EVA1C: variants seen among roughly 807,000 people sequenced by gnomAD.
EVA1C encodes eva-1 homolog C, also known as protein eva-1 homolog C.
Under a neutral mutation model 45.4 loss-of-function variants are expected in EVA1C, and 25 were observed. The ratio of observed to expected loss-of-function variants is 0.55; its 90% CI spans 0.40 to 0.77. The LOEUF is 0.77. Among genes scored for constraint, EVA1C ranks in the 30% least tolerant of loss-of-function variants. The pLI, the probability that EVA1C is intolerant of heterozygous loss-of-function variation, is 0.00. For missense variants in EVA1C, 479 were observed against 554.8 expected, an observed-to-expected ratio of 0.86 and a Z score of 1.37; for synonymous variants, 190 against 221.2, an observed-to-expected ratio of 0.86 and a Z score of 1.25.
At chr21:32,461,922 G>C (rs2036012064) in intron 3 of EVA1C, among the ~76,000 whole-genome samples, 1 of 152,136 alleles carries the variant, frequency 6.6e-6, no homozygotes, top group Non-Finnish European at 1.5e-5. Flanking sequence ...GGGCAGTGTA[G>C]GGACACTTTC....
At chr21:32,419,736 AAAAC>A (rs920817144) in intron 1 of EVA1C, among the ~76,000 whole-genome samples, 48 of 152,098 alleles carry the variant, frequency 3.2e-4, no homozygotes, top group African/African-American at 7.0e-4. Flanking sequence ...ACAAAAAACA[AAAAC>A]AAACAAACAA....
chr21:32,475,385 C>CA (rs1255743814), intron 4 of EVA1C, among the ~76,000 whole-genome samples: 2 of 150,996 alleles, frequency 1.3e-5, no homozygotes, highest in African/African-American at 4.9e-5. Flanking sequence ...TTGTTCTGCA[C>CA]AAACACCATC....
chr21:32,507,070 G>A (rs955232248), intron 7 of EVA1C, among the ~76,000 whole-genome samples: 4 of 152,148 alleles, frequency 2.6e-5, no homozygotes, highest in African/African-American at 9.7e-5. Flanking sequence ...ACAAGGAGAA[G>A]AGAAACCAAA....
At chr21:32,454,692 G>C (rs759205154) in intron 2 of EVA1C, among the ~76,000 whole-genome samples, 3 of 152,032 alleles carry the variant, frequency 2.0e-5, no homozygotes, top group Non-Finnish European at 2.9e-5. Context: ...GTTTGATTTT[G>C]TCGACCGTAG....
At chr21:32,490,631 T>C (rs955970327) in intron 4 of EVA1C, among the ~76,000 whole-genome samples, 7 of 152,240 alleles carry the variant, frequency 4.6e-5, no homozygotes, top group African/African-American at 1.7e-4. Context: ...CTTGAGTTGC[T>C]TCCACCTCTT....
chr21:32,441,441 C>T (rs1306670395), intron 1 of EVA1C, among the ~76,000 whole-genome samples: 1 of 151,896 alleles, frequency 6.6e-6, no homozygotes, highest in African/African-American at 2.4e-5. Flanking sequence ...TCAGAGTATG[C>T]TTAGCATTTT....
intron 7 of EVA1C, among the ~76,000 whole-genome samples, chr21:32,509,089 G>A (rs1252381620): frequency 6.6e-6 from 1 of 152,220 alleles, no homozygotes; most frequent in Non-Finnish European, 1.5e-5. Flanking sequence ...TTAGTGTAAA[G>A]CCTGGGACCA....
intron 2 of EVA1C, 50 bp downstream of exon 2, chr21:32,453,558 C>T: frequency 7.8e-7 from 1 of 1,280,422 alleles, no homozygotes; most frequent in Non-Finnish European, 1.1e-6. Flanking sequence ...AACACACACT[C>T]TTTCTCTCTC....
intron 5 of EVA1C, 139 bp downstream of exon 5, chr21:32,495,309 C>T (rs1601418126): frequency 6.7e-6 from 5 of 741,170 alleles, no homozygotes; most frequent in East Asian, 2.8e-5. Flanking sequence ...CCCAGATACC[C>T]GAGAGCCCTT....
At chr21:32,456,660 C>T (rs2035794821) in intron 2 of EVA1C, among the ~76,000 whole-genome samples, 1 of 152,146 alleles carries the variant, frequency 6.6e-6, no homozygotes, top group African/African-American at 2.4e-5. Context: ...AAATTCAGAC[C>T]TAAAGTAATA....
Position 32,420,564 on chromosome 21 carries a change from A to T in EVA1C, c.160+7551A>T, listed in dbSNP as rs187849469. Among the ~76,000 whole-genome samples the T allele has an allele frequency of 3.2e-4, 47 of 147,826 alleles. 1 individual carries two copies. The East Asian group carries it at 7.9e-3, about 25-fold the overall frequency. ...GCAGGCCTAGCTAATTTTTTTTGGC[A>T]TTTTTTTTTTGTAGAGACAGGGTCT... On this transcript the variant is annotated intron_variant, in intron 1 of 7. Transcript: ENST00000300255.
At chr21:32,508,136 A>G (rs2037834613) in intron 7 of EVA1C, among the ~76,000 whole-genome samples, 1 of 152,198 alleles carries the variant, frequency 6.6e-6, no homozygotes, top group East Asian at 1.9e-4. Flanking sequence ...ATTGTGCCCA[A>G]GGGGACTTAC....
intron 5 of EVA1C, among the ~76,000 whole-genome samples, chr21:32,500,555 C>A (rs2037494785): frequency 6.6e-6 from 1 of 152,104 alleles, no homozygotes; most frequent in Non-Finnish European, 1.5e-5. Flanking sequence ...ACCATCACTA[C>A]CCTCCAGTTT....
rs539376822 is a variant in EVA1C, at chr21:32,506,670, G to A, written c.949+2655G>A. ...GTCTGGGTGGCCACTCTAGAGGTGG[G>A]AAGCATGCAGTGCATGCTCAGGGGT... is the stretch of plus-strand genomic sequence containing the variant. On this transcript the variant is annotated intron_variant, in intron 7 of 7. Coordinates refer to ENST00000300255, the MANE Select transcript of EVA1C (RefSeq NM_058187.5). Among the ~76,000 whole-genome samples the A allele has an allele frequency of 1.1e-4, 17 of 152,238 alleles. 1 individual carries two copies. The South Asian group carries it at 3.5e-3, about 32-fold the overall frequency.
chr21:32,443,990 C>T (rs956068915), intron 1 of EVA1C, among the ~76,000 whole-genome samples: 11 of 151,904 alleles, frequency 7.2e-5, no homozygotes, highest in African/African-American at 2.7e-4. Flanking sequence ...CTTCCCAAAG[C>T]ACATGTTTCT....
At chr21:32,506,219 G>A (rs2037718149) in intron 7 of EVA1C, among the ~76,000 whole-genome samples, 1 of 148,398 alleles carries the variant, frequency 6.7e-6, no homozygotes, top group South Asian at 2.2e-4. Flanking sequence ...CAGGTGCCTT[G>A]TCATCTTATT....
chr21:32,503,163 C>CA (rs944605142), intron 6 of EVA1C, among the ~76,000 whole-genome samples: 1 of 152,122 alleles, frequency 6.6e-6, no homozygotes, highest in Non-Finnish European at 1.5e-5. Flanking sequence ...CTGTTGTTTC[C>CA]AAAAAAAGTA....
intron 1 of EVA1C, among the ~76,000 whole-genome samples, chr21:32,424,920 G>A (rs1217214373): frequency 6.6e-6 from 1 of 152,108 alleles, no homozygotes. Context: ...GCACTGGCAT[G>A]ATTGTGACTC....
chr21:32,459,760 G>A (rs2035928705), intron 3 of EVA1C, among the ~76,000 whole-genome samples: 1 of 145,458 alleles, frequency 6.9e-6, no homozygotes, highest in African/African-American at 2.5e-5. Context: ...AGAATCGTTT[G>A]AACCCAGGAG....
Sources: gnomAD v4.1 joint callset for allele counts (sites outside exome capture counted in the v4.1 genomes callset) on GRCh38, gnomAD v4.1.1 for gene constraint, MANE v1.5 for transcripts, NCBI Gene and HGNC (gene_info 2026-07-23, HGNC 2026-07-21) for gene names.